The following EDARADD variants were observed in gnomAD, a reference collection of about 807,000 sequenced individuals.
EDARADD encodes EDAR associated via death domain.
EDARADD carries 20 observed loss-of-function variants against 25.6 expected under a neutral mutation model. The ratio of observed to expected loss-of-function variants is 0.78; its 90% confidence interval spans 0.55 to 1.14. The LOEUF (loss-of-function observed/expected upper bound fraction) is 1.14, where lower values mean the gene tolerates loss of function less well. Ranked by LOEUF, EDARADD falls within the 50% of genes most tolerant of loss-of-function variation. The probability of loss-of-function intolerance (pLI) is 0.00; values close to 1 mark genes in which losing one functional copy is unlikely to be tolerated. For missense variants in EDARADD, 225 were observed against 270.1 expected (o/e 0.83, Z 1.17); for synonymous variants, 86 against 94.4 (o/e 0.91, Z 0.52).
intron 3 of EDARADD, among the ~76,000 whole-genome samples, chr1:236,423,883 A>G (rs150495272): frequency 3.0e-4 from 45 of 152,230 alleles, no homozygotes; most frequent in African/African-American, 1.0e-3. Context: ...AGGTGGGCAG[A>G]TCACTTGAGG....
chr1:236,403,387 A>C lies in EDARADD; in HGVS notation c.62-5829A>C, dbSNP rs536233971. 1.2e-4 allele frequency among the ~76,000 whole-genome samples: 19 copies of C among 152,244 alleles called. No homozygotes were observed. In the East Asian group the frequency reaches 3.3e-3, roughly 26 times the overall value. ...ACTGCAACCTCCGCCTTCCGGGCTC[A>C]CACCATTCTCCTGCCTCAGCCTCCT... On this transcript the variant is annotated intron_variant, in intron 1 of 5. Transcript: ENST00000334232.
At chr1:236,471,701 G>T (rs1257860490) in intron 5 of EDARADD, among the ~76,000 whole-genome samples, 1 of 152,060 alleles carries the variant, frequency 6.6e-6, no homozygotes, top group Non-Finnish European at 1.5e-5. Flanking sequence ...TGGTTATCCC[G>T]GGGAGCATCC....
chr1:236,484,248 G>A lies in EDARADD; in HGVS notation c.*1599G>A, dbSNP rs1255185864. 1 of 971,086 alleles carries A rather than the reference G, an allele frequency of 1.0e-6. No individual in the cohort carries two copies. Among genetic ancestry groups the A allele is most frequent in the Non-Finnish European group, 1.7e-6 (1 of 594,640 alleles). The allele number at this position is 971,086 out of a possible 1,614,324, so 60.2% of individuals were successfully genotyped here. On this transcript the variant is annotated 3_prime_UTR_variant, in exon 6 of 6. Coordinates refer to ENST00000334232, the MANE Select transcript of EDARADD (RefSeq NM_145861.4). The surrounding 1 kb of genome is among the most constrained non-coding windows in gnomAD (Gnocchi z 4.1). The stretch of plus-strand genomic sequence containing the variant: ...CCTTCAGGCGTGCAAGCTGGCCCAG[G>A]CCAATGGTTGGTGTGTCATGGTGCC...
chr1:236,462,823 G>T (rs1027285459), intron 4 of EDARADD, among the ~76,000 whole-genome samples: 1 of 152,156 alleles, frequency 6.6e-6, no homozygotes, highest in Non-Finnish European at 1.5e-5. Flanking sequence ...TTTACAAAAT[G>T]GGGGTTTTCT....
At chr1:236,355,762 A>C (rs1369657727) in intron 3 of EDARADD, among the ~76,000 whole-genome samples, 1 of 151,640 alleles carries the variant, frequency 6.6e-6, no homozygotes, top group Non-Finnish European at 1.5e-5. Flanking sequence ...CACCCACCTC[A>C]GCCTCCCAAA....
At chr1:236,406,074 C>T (rs1667734359) in intron 1 of EDARADD, among the ~76,000 whole-genome samples, 2 of 151,498 alleles carry the variant, frequency 1.3e-5, no homozygotes, top group African/African-American at 4.9e-5. Flanking sequence ...ACACTCCAAA[C>T]CCATTTACCT....
chr1:236,365,962 T>C (rs1382588685), intron 3 of EDARADD, among the ~76,000 whole-genome samples: 1 of 152,236 alleles, frequency 6.6e-6, no homozygotes, highest in Non-Finnish European at 1.5e-5. Flanking sequence ...AACTTTGATT[T>C]GGGTATTTTA....
chr1:236,394,143 C>A (rs771654016), upstream of EDARADD: 3 of 371,532 alleles, frequency 8.1e-6, no homozygotes, highest in Non-Finnish European at 1.5e-5. Context: ...TGCTAACAAG[C>A]TCACTCAACT....
intron 4 of EDARADD, among the ~76,000 whole-genome samples, chr1:236,452,820 A>G (rs372792691): frequency 2.6e-5 from 4 of 152,224 alleles, no homozygotes; most frequent in South Asian, 2.1e-4. Context: ...CTTGGGCCCA[A>G]TCAAAACTCC....
At chr1:236,474,212 G>A (rs1571957721) in intron 5 of EDARADD, among the ~76,000 whole-genome samples, 1 of 152,060 alleles carries the variant, frequency 6.6e-6, no homozygotes, top group African/African-American at 2.4e-5. Context: ...CCATACATTA[G>A]GCACAAGAAT....
intron 4 of EDARADD, among the ~76,000 whole-genome samples, chr1:236,434,704 C>T (rs1318631172): frequency 6.6e-6 from 1 of 152,138 alleles, no homozygotes; most frequent in East Asian, 1.9e-4. Context: ...ACAGAGTGAA[C>T]TTGGCCTGAG....
chr1:236,405,862 C>CT, intron 1 of EDARADD, among the ~76,000 whole-genome samples: 1 of 45,514 alleles, frequency 2.2e-5, no homozygotes, highest in East Asian at 7.0e-4. Context: ...TCCTTCCTTC[C>CT]TTCCTTCCTT....
At chr1:236,447,223 TC>T (rs55974271) in intron 4 of EDARADD, among the ~76,000 whole-genome samples, 9,608 of 37,214 alleles carry the variant, frequency 0.26, 405 homozygotes, top group African/African-American at 0.29. Flanking sequence ...TTTCTTTCTT[TC>T]CTTTCTTTCC....
At chr1:236,422,317 A>G (rs1368210318) in intron 3 of EDARADD, among the ~76,000 whole-genome samples, 1 of 152,220 alleles carries the variant, frequency 6.6e-6, no homozygotes, top group East Asian at 1.9e-4. Context: ...GAGACTGGAA[A>G]TGTTCTGCTG....
At chr1:236,469,780 T>A (rs1348287423) in intron 5 of EDARADD, among the ~76,000 whole-genome samples, 1 of 152,204 alleles carries the variant, frequency 6.6e-6, no homozygotes, top group Non-Finnish European at 1.5e-5. Context: ...CTGGGTGATT[T>A]TTTTTTCATT....
intron 4 of EDARADD, among the ~76,000 whole-genome samples, chr1:236,457,599 C>T (rs909562271): frequency 2.0e-5 from 3 of 151,788 alleles, no homozygotes; most frequent in Non-Finnish European, 4.4e-5. Context: ...GGGGGGCGGA[C>T]GAAGAGGTCA....
chr1:236,381,175 T>C (rs12066710), intron 3 of EDARADD, among the ~76,000 whole-genome samples: 2,927 of 152,300 alleles, frequency 0.019, 91 homozygotes, highest in African/African-American at 0.065. Context: ...ACAATACGCA[T>C]GCTTTTGTTT....
Position 236,484,133 on chromosome 1 carries a change from C to A in EDARADD, c.*1484C>A. ...TAGTGGAGGATGATCTCAGAGTGAC[C>A]AACCCAAAGAGGACAGCCTCGGCCG... On this transcript the variant is annotated 3_prime_UTR_variant, in exon 6 of 6. Transcript: ENST00000334232. This position sits in a 1 kb window ranked among gnomAD's most constrained non-coding sequence, Gnocchi z 4.1. 2 of 1,467,176 alleles carry A rather than the reference C, an allele frequency of 1.4e-6. No homozygotes were observed. Among genetic ancestry groups the A allele is most frequent in the Non-Finnish European group, 1.9e-6 (2 of 1,047,310 alleles). 90.9% of individuals were successfully genotyped at this position (1,467,176 alleles called of 1,614,324 possible).
At chr1:236,352,613 C>T (rs1371197483) in intron 3 of EDARADD, among the ~76,000 whole-genome samples, 2 of 152,120 alleles carry the variant, frequency 1.3e-5, no homozygotes, top group African/African-American at 2.4e-5. Context: ...TTTGGGAGGC[C>T]AAGGCGGGTG....
Sources: allele counts gnomAD v4.1 joint callset (sites outside exome capture counted in the v4.1 genomes callset), GRCh38; gene constraint gnomAD v4.1.1; non-coding constraint Gnocchi (gnomAD v3.1); transcripts MANE v1.5; gene names NCBI Gene and HGNC (gene_info 2026-07-23, HGNC 2026-07-21).